The following ITGA3 variants were observed in gnomAD, a reference collection of about 807,000 sequenced individuals.
The protein encoded by ITGA3 is integrin subunit alpha 3.
Under a neutral mutation model 131.1 loss-of-function variants are expected in ITGA3, and 70 were observed. The ratio of observed to expected loss-of-function variants is 0.53; its 90% CI spans 0.44 to 0.65. The LOEUF (loss-of-function observed/expected upper bound fraction) is 0.65. Among genes scored for constraint, ITGA3 ranks in the 30% least tolerant of loss-of-function variants. The pLI is 0.00. For missense variants in ITGA3, 1,098 were observed against 1,388.6 expected (o/e 0.79, Z 3.33); for synonymous variants, 537 against 571.6 (o/e 0.94, Z 0.86).
chr17:50,076,796 G>T, intron 14 of ITGA3, 115 bp downstream of exon 14: 1 of 1,172,502 alleles, frequency 8.5e-7, no homozygotes, highest in Non-Finnish European at 1.3e-6. Context: ...GGGCTTTAGC[G>T]GGAACAGGTG....
intron 7 of ITGA3, among the ~76,000 whole-genome samples, chr17:50,072,666 G>A (rs1386055790): frequency 6.6e-6 from 1 of 152,114 alleles, no homozygotes; most frequent in Non-Finnish European, 1.5e-5. Context: ...GGGCAGGGAT[G>A]TGATATAATA....
intron 23 of ITGA3, among the ~76,000 whole-genome samples, chr17:50,082,339 C>T (rs560466279): frequency 6.6e-5 from 10 of 152,164 alleles, no homozygotes; most frequent in South Asian, 2.1e-4. Context: ...CCACCACGCC[C>T]GGCTAATTTT....
At chr17:50,080,652 C>T (rs1001060497) in intron 22 of ITGA3, among the ~76,000 whole-genome samples, 5 of 152,090 alleles carry the variant, frequency 3.3e-5, no homozygotes, top group African/African-American at 9.7e-5. Context: ...TGCTCATTTC[C>T]CCTCTTTTAT....
chr17:50,063,939 AC>A, intron 1 of ITGA3, 137 bp from the exon 2 acceptor site: 1 of 1,216,448 alleles, frequency 8.2e-7, no homozygotes, highest in Non-Finnish European at 1.1e-6. Flanking sequence ...CTTACCCTAC[AC>A]TGGGCACTTC....
chr17:50,068,640 C>T (rs1300110642), intron 4 of ITGA3, among the ~76,000 whole-genome samples: 1 of 151,190 alleles, frequency 6.6e-6, no homozygotes, highest in Non-Finnish European at 1.5e-5. Context: ...TAGCTATGAC[C>T]GCAGGCATGT....
intron 3 of ITGA3, among the ~76,000 whole-genome samples, chr17:50,067,031 A>G (rs1460800293): frequency 2.6e-5 from 4 of 152,208 alleles, no homozygotes; most frequent in Non-Finnish European, 5.9e-5. Flanking sequence ...TAACCCTGTT[A>G]TGGATGGCTG....
rs902334466 is a variant in ITGA3, at chr17:50,064,617, T to C, written c.414+10T>C. On this transcript the variant is annotated intron_variant, in intron 3 of 25. Coordinates refer to ENST00000320031, the MANE Select transcript of ITGA3 (RefSeq NM_002204.4). This position sits in a 1 kb window ranked among gnomAD's most constrained non-coding sequence, Gnocchi z 4.4. ...TGCAGGCAGAGTTCTGGTAAGTGGGTGCTCAGTGTTGGCTCCTCCACCTCT... is the reference window on the plus strand; with the variant it reads ...TGCAGGCAGAGTTCTGGTAAGTGGGCGCTCAGTGTTGGCTCCTCCACCTCT... 2.5e-6 allele frequency: 4 copies of C among 1,607,846 alleles called. No homozygotes were observed. The African/African-American group carries it at 5.4e-5, about 22-fold the overall frequency.
At chr17:50,087,685 G>A in intron 23 of ITGA3, 59 bp from the exon 24 acceptor site, 1 of 1,558,324 alleles carries the variant, frequency 6.4e-7, no homozygotes, top group Non-Finnish European at 8.8e-7. Context: ...AGGATAGGAA[G>A]GGTGAGGATG....
At chr17:50,067,246 CA>C (rs1341101212) in intron 3 of ITGA3, among the ~76,000 whole-genome samples, 1 of 152,210 alleles carries the variant, frequency 6.6e-6, no homozygotes, top group Admixed American at 6.5e-5. Context: ...AGCAAGTAAA[CA>C]AGAACCAGGG....
Position 50,089,162 on chromosome 17 carries a change from C to T in ITGA3, c.*84C>T. The T allele has an allele frequency of 6.2e-7, 1 of 1,613,300 alleles. No homozygotes were observed. The stretch of plus-strand genomic sequence containing the variant: ...TATCAGATCATGCCCAAGTACCACG[C>T]AGTGCGGATCCGGGAGGAGGAGCGC... On this transcript the variant is annotated 3_prime_UTR_variant, in exon 26 of 26. Transcript: ENST00000320031.
chr17:50,078,793 C>T (rs1411747340), intron 18 of ITGA3, 31 bp from the exon 19 acceptor site: 3 of 1,379,736 alleles, frequency 2.2e-6, no homozygotes, highest in Non-Finnish European at 3.1e-6. Context: ...TCTCTTGTCC[C>T]CCGTGACTCC....
At chr17:50,082,476 C>A (rs1053197083) in intron 23 of ITGA3, among the ~76,000 whole-genome samples, 1 of 151,956 alleles carries the variant, frequency 6.6e-6, no homozygotes, top group East Asian at 1.9e-4. Flanking sequence ...TGTGCCTGGC[C>A]TAATTTTTTA....
chr17:50,077,950 A>G, intron 16 of ITGA3, 96 bp from the exon 17 acceptor site: 1 of 1,043,504 alleles, frequency 9.6e-7, no homozygotes, highest in Non-Finnish European at 1.4e-6. Context: ...GAAGGCCAGA[A>G]AGCCAACTAG....
At chr17:50,080,495 T>TGC in intron 22 of ITGA3, 120 bp downstream of exon 22, 1 of 604,404 alleles carries the variant, frequency 1.7e-6, no homozygotes, top group Middle Eastern at 4.0e-4. Context: ...TGTGTGTGTG[T>TGC]GTGTGTGTGT....
chr17:50,058,776 C>T (rs1907947226), intron 1 of ITGA3, among the ~76,000 whole-genome samples: 1 of 152,230 alleles, frequency 6.6e-6, no homozygotes, highest in African/African-American at 2.4e-5. Context: ...ATGCAAACAG[C>T]TGCCTGAGTG....
Position 50,089,728 on chromosome 17 carries a change from C to G in ITGA3, c.*650C>G, listed in dbSNP as rs1323112307. 1 of 173,104 alleles carries G rather than the reference C, an allele frequency of 5.8e-6. No homozygotes were observed. Among genetic ancestry groups the G allele is most frequent in the Non-Finnish European group, 1.3e-5 (1 of 79,322 alleles). The allele number at this position is 173,104 out of a possible 1,614,324, so 10.7% of individuals were successfully genotyped here. A position where few individuals can be genotyped will look rare whatever the true frequency, so the allele number is the denominator to read the frequency against. On this transcript the variant is annotated 3_prime_UTR_variant, in exon 26 of 26. Transcript: ENST00000320031. ...TGTCAAAACTACTGACAGGGAGCAG[C>G]CCCCGGGCCGCTGGCTGGTGGGCCC...
chr17:50,075,572 C>A, intron 11 of ITGA3, 27 bp from the exon 12 acceptor site: 1 of 1,614,250 alleles, frequency 6.2e-7, no homozygotes, highest in Non-Finnish European at 8.5e-7. Flanking sequence ...CCCCTGTCCC[C>A]TTGCTGACCA....
At position 50,079,503 on chromosome 17, in the gene ITGA3, C is replaced by A. The variant is rs997765255; in HGVS notation, c.2652C>A (p.Gly884=). ...RRQLDPGGGQ[G]PPPVTLAAAK... The stretch of plus-strand genomic sequence containing the variant: ...AGCTGGATCCAGGGGGAGGCCAGGG[C>A]CCCCCACCTGTCACTCTGGCTGCTG... The change falls in exon 21 of 26, where the codon GGC becomes GGA. Residue 884 remains glycine (G), a synonymous_variant. Transcript: ENST00000320031. 3 of 1,576,980 alleles carry A rather than the reference C, an allele frequency of 1.9e-6. No individual in the cohort carries two copies. Among genetic ancestry groups the A allele is most frequent in the Admixed American group, 3.7e-5 (2 of 53,372 alleles).
In ITGA3 at chr17:50,087,732, T is replaced by C. The variant is rs60377725; in HGVS notation, c.2920-12T>C. The C allele has an allele frequency of 2.4e-3, 3,903 of 1,609,794 alleles. 80 individuals carry two copies. In the African/African-American group the frequency reaches 0.045, roughly 18 times the overall value. On this transcript the variant is annotated splice_polypyrimidine_tract_variant and intron_variant, in intron 23 of 25. Coordinates refer to ENST00000320031, the MANE Select transcript of ITGA3 (RefSeq NM_002204.4). ...GCTGACACAGGGCTGAGTCCTCCTC[T>C]CCCCGCTCCAGTTCTCTGTGGACAT... is the stretch of plus-strand genomic sequence containing the variant.
Sources: allele counts gnomAD v4.1 joint callset (sites outside exome capture counted in the v4.1 genomes callset), GRCh38; gene constraint gnomAD v4.1.1; non-coding constraint Gnocchi (gnomAD v3.1); transcripts MANE v1.5; gene names NCBI Gene and HGNC (gene_info 2026-07-23, HGNC 2026-07-21).